KNSTRN: variants seen among roughly 807,000 people sequenced by gnomAD.
The protein encoded by KNSTRN is small kinetochore-associated protein.
In KNSTRN, 38 loss-of-function variants were observed where a neutral mutation model predicts 44.7. The observed-to-expected ratio is 0.85, with a 90% CI of 0.66 to 1.11. The LOEUF is 1.11. Ranked by LOEUF, KNSTRN falls within the 50% of genes most tolerant of loss-of-function variation. The pLI is 0.00. For synonymous variants in KNSTRN, 158 were observed against 148.1 expected (o/e 1.07, Z -0.48); for missense variants, 406 against 375.8 (o/e 1.08, Z -0.66).
intron 2 of KNSTRN, among the ~76,000 whole-genome samples, chr15:40,386,009 G>A (rs1889893989): frequency 6.6e-6 from 1 of 152,246 alleles, no homozygotes; most frequent in Non-Finnish European, 1.5e-5. Context: ...GCCAAGGCAG[G>A]AGGATTGCTT....
Position 40,389,566 on chromosome 15 carries a change from A to G in KNSTRN, c.546A>G (p.Leu182=), listed in dbSNP as rs546246375. Residue 182 remains leucine, a synonymous_variant, in exon 5 of 9, where the codon TTA becomes TTG. Transcript: ENST00000249776. ...EEELKDKNQL[L]EAVNKQLHQK... ...AGCTCAAGGACAAGAACCAGCTGTT[A>G]GAAGCCGTCAACAAGCAGTTGCACC... 3 of 1,614,190 alleles carry G rather than the reference A, an allele frequency of 1.9e-6. No homozygotes were observed. In the East Asian group the frequency reaches 6.7e-5, roughly 36 times the overall value.
chr15:40,391,590 G>C (rs770177775), intron 7 of KNSTRN, 36 bp downstream of exon 7: 1 of 1,525,788 alleles, frequency 6.6e-7, no homozygotes, highest in Non-Finnish European at 9.1e-7. Flanking sequence ...CAAGGGCTGA[G>C]TGACTGTGGG....
rs757669115 is a variant in KNSTRN, at chr15:40,382,804, G to C, written c.-32G>C. The C allele has an allele frequency of 1.9e-6, 3 of 1,593,778 alleles. No individual in the cohort carries two copies. Among genetic ancestry groups the C allele is most frequent in the East Asian group, 2.3e-5 (1 of 44,214 alleles). On this transcript the variant is annotated 5_prime_UTR_variant, in exon 1 of 9. Transcript: ENST00000249776. The stretch of plus-strand genomic sequence containing the variant: ...GCTCCAACACCTTTCGCTAGGTCTG[G>C]CTCTGGCCTCTGAGCGAACCTTCCG...
intron 2 of KNSTRN, among the ~76,000 whole-genome samples, chr15:40,385,993 A>T (rs1485294968): frequency 1.3e-5 from 2 of 152,266 alleles, no homozygotes; most frequent in African/African-American, 4.8e-5. Flanking sequence ...GGCTCACGCC[A>T]GAGTGGCCAA....
chr15:40,394,021 C>CT lies in KNSTRN; in HGVS notation c.*425dup, dbSNP rs1193563798. ...TACAAGACATCATTGAGGAGCCATGCTGTCCCCTTCTAACCTGAAACACAT... is the reference window on the plus strand; with the variant it reads ...TACAAGACATCATTGAGGAGCCATGCTTGTCCCCTTCTAACCTGAAACACAT... On this transcript the variant is annotated 3_prime_UTR_variant, in exon 9 of 9. Transcript: ENST00000249776. 6.4e-6 allele frequency: 1 copy of CT among 155,956 alleles called. No homozygotes were observed. Among genetic ancestry groups the CT allele is most frequent in the Non-Finnish European group, 1.4e-5 (1 of 70,686 alleles). 9.7% of individuals were successfully genotyped at this position (155,956 alleles called of 1,614,324 possible). A position where few individuals can be genotyped will look rare whatever the true frequency, so the allele number is the denominator to read the frequency against.
chr15:40,386,866 CA>C (rs1889911976), intron 3 of KNSTRN: 1 of 534,966 alleles, frequency 1.9e-6, no homozygotes, highest in Non-Finnish European at 3.4e-6. Flanking sequence ...CCCCAGCCAG[CA>C]GTCAGTTCCA....
Position 40,391,514 on chromosome 15 carries a change from C to T in KNSTRN, c.707C>T (p.Ala236Val). ...LDPALGSETLASRQESTTDHM... is the reference protein window; with the variant it reads ...LDPALGSETLVSRQESTTDHM... ...TCAGCTTTAGGCAGTGAGACCCTGG[C>T]ATCACGACAAGAATCCACTACTGAT... Residue 236 changes from alanine (A) to valine (V), a missense_variant, in exon 7 of 9, where the codon GCA becomes GTA. Transcript: ENST00000249776. 2 of 1,613,890 alleles carry T rather than the reference C, an allele frequency of 1.2e-6. No homozygotes were observed. The highest frequency in any genetic ancestry group is 1.7e-6 in the Non-Finnish European group (2 of 1,179,844).
rs1889903714 is a variant in KNSTRN, at chr15:40,386,432, G to A, written c.375G>A (p.Gln125=). 1 of 1,614,136 alleles carries A rather than the reference G, an allele frequency of 6.2e-7. No individual in the cohort carries two copies. The highest frequency in any genetic ancestry group is 8.5e-7 in the Non-Finnish European group (1 of 1,179,992). ...VRSKEVDVSK[Q]LHSGGPENDV... is the part of the protein sequence containing the mutation. ...CCAAAGAAGTCGATGTTTCCAAACA[G>A]CTTCATTCAGGAGGTCCAGAGAATG... The change falls in exon 3 of 9, where the codon CAG becomes CAA. Residue 125 remains glutamine (Q), a synonymous_variant. Transcript: ENST00000249776.
At chr15:40,388,431 T>C (rs1029740567) in intron 4 of KNSTRN, among the ~76,000 whole-genome samples, 3 of 152,228 alleles carry the variant, frequency 2.0e-5, no homozygotes, top group Non-Finnish European at 4.4e-5. Context: ...GCCGGCGCAG[T>C]GGCTCACGCC....
chr15:40,385,766 C>T (rs1889890685), intron 2 of KNSTRN, among the ~76,000 whole-genome samples: 1 of 152,208 alleles, frequency 6.6e-6, no homozygotes, highest in Non-Finnish European at 1.5e-5. Context: ...TGCTAACTTC[C>T]ACCCTGCTCT....
chr15:40,392,862 A>AG (rs1566924086), intron 8 of KNSTRN, among the ~76,000 whole-genome samples: 1 of 151,912 alleles, frequency 6.6e-6, no homozygotes, highest in Admixed American at 6.6e-5. Context: ...CTGCCCGCCT[A>AG]GGCTTCCCAA....
intron 8 of KNSTRN, among the ~76,000 whole-genome samples, chr15:40,392,355 C>G (rs915694362): frequency 1.3e-5 from 2 of 152,070 alleles, no homozygotes; most frequent in African/African-American, 4.8e-5. Flanking sequence ...TCCTCCACCC[C>G]CAATAGTAAC....
Position 40,391,553 on chromosome 15 carries a change from T to C in KNSTRN, c.746T>C (p.Met249Thr), listed in dbSNP as rs1233764175. ...QESTTDHMDS[M>T]LLLETLQEEL... Reference sequence around the variant, plus strand: ...TCCACTACTGATCACATGGACTCTATGGTGAGGGCATGGGTGTGAAAGGGC... The same window carrying C: ...TCCACTACTGATCACATGGACTCTACGGTGAGGGCATGGGTGTGAAAGGGC... The change falls in exon 7 of 9, where the codon ATG (methionine) becomes ACG (threonine). Residue 249 changes from methionine to threonine, a missense_variant and splice_region_variant. Met to Thr is a moderately conservative substitution (Grantham distance 81, BLOSUM62 -1). Coordinates refer to ENST00000249776, the MANE Select transcript of KNSTRN (RefSeq NM_033286.4). 6.2e-7 allele frequency: 1 copy of C among 1,612,914 alleles called. No homozygotes were observed. The highest frequency in any genetic ancestry group is 1.1e-5 in the South Asian group (1 of 91,062).
At chr15:40,392,714 G>A (rs1264721238) in intron 8 of KNSTRN, among the ~76,000 whole-genome samples, 4 of 152,130 alleles carry the variant, frequency 2.6e-5, no homozygotes, top group African/African-American at 4.8e-5. Context: ...GGGTTCAAGC[G>A]ATTTTCTTGC....
In KNSTRN at chr15:40,382,828, C is replaced by A; in HGVS notation, c.-8C>A. ...GGCTCTGGCCTCTGAGCGAACCTTCCGTACAGTATGGCGGCTCCCGAAGCC... is the reference window on the plus strand; with the variant it reads ...GGCTCTGGCCTCTGAGCGAACCTTCAGTACAGTATGGCGGCTCCCGAAGCC... On this transcript the variant is annotated 5_prime_UTR_variant, in exon 1 of 9. Transcript: ENST00000249776. 1 of 1,610,152 alleles carries A rather than the reference C, an allele frequency of 6.2e-7. No individual in the cohort carries two copies. Among genetic ancestry groups the A allele is most frequent in the Non-Finnish European group, 8.5e-7 (1 of 1,179,044 alleles).
At chr15:40,389,132 CTG>C (rs1316335485) in intron 4 of KNSTRN, 1 of 454,600 alleles carries the variant, frequency 2.2e-6, no homozygotes, top group Non-Finnish European at 4.4e-6. Context: ...TTGTGTAACT[CTG>C]TAGGCCGTAT....
At chr15:40,390,222 G>T (rs899206759) in intron 6 of KNSTRN, among the ~76,000 whole-genome samples, 1 of 152,210 alleles carries the variant, frequency 6.6e-6, no homozygotes, top group African/African-American at 2.4e-5. Flanking sequence ...GAAACACTTT[G>T]TTCCTTTCAA....
chr15:40,392,987 T>C (rs1287324155), intron 8 of KNSTRN, among the ~76,000 whole-genome samples: 2 of 150,742 alleles, frequency 1.3e-5, no homozygotes, highest in East Asian at 3.9e-4. Context: ...ATTTGGATTT[T>C]AGCAGTTTTT....
rs1254381179 is a variant in KNSTRN at position 40,391,550 on chromosome 15, CTA to C, written c.745_746del (p.Met249ValfsTer14). 2.5e-6 allele frequency: 4 copies of C among 1,613,508 alleles called. No homozygotes were observed. Among genetic ancestry groups the C allele is most frequent in the Non-Finnish European group, 2.5e-6 (3 of 1,179,606 alleles). ...GAATCCACTACTGATCACATGGACT[CTA>C]TGGTGAGGGCATGGGTGTGAAAGGG... On this transcript the variant is annotated frameshift_variant and splice_region_variant, in exon 7 of 9. Transcript: ENST00000249776. LOFTEE classifies it high-confidence loss of function.
Sources: gnomAD v4.1 joint callset for allele counts (sites outside exome capture counted in the v4.1 genomes callset) on GRCh38, gnomAD v4.1.1 for gene constraint, MANE v1.5 for transcripts, NCBI Gene and HGNC (gene_info 2026-07-23, HGNC 2026-07-21) for gene names.